OR51B5: variants seen among roughly 807,000 people sequenced by gnomAD.
OR51B5 encodes the protein olfactory receptor 51B5.
For synonymous variants in OR51B5, 186 were observed against 144.8 expected (o/e 1.28, Z -2.04); for missense variants, 456 against 374.6 (o/e 1.22, Z -1.79).
chr11:5,427,050 G>C (rs1391785615), intron 1 of OR51B5, among the ~76,000 whole-genome samples: 1 of 152,170 alleles, frequency 6.6e-6, no homozygotes, highest in Non-Finnish European at 1.5e-5. Flanking sequence ...CCAAAGCACA[G>C]AGGAACTTTG....
intron 1 of OR51B5, among the ~76,000 whole-genome samples, chr11:5,437,618 GA>G (rs1164653734): frequency 5.9e-5 from 9 of 152,154 alleles, no homozygotes; most frequent in African/African-American, 2.2e-4. Flanking sequence ...CTTTAGTTTT[GA>G]ACCTGATTTA....
chr11:5,340,504 A>C (rs1848877519), downstream of OR51B5: 1 of 152,054 alleles, frequency 6.6e-6, no homozygotes, highest in Non-Finnish European at 1.5e-5. Flanking sequence ...CATATTGAAA[A>C]ATTCTTTTTA....
intron 1 of OR51B5, chr11:5,403,589 T>C (rs1850008736): frequency 2.2e-6 from 1 of 448,488 alleles, no homozygotes; most frequent in Non-Finnish European, 4.7e-6. Flanking sequence ...TTTGTTTGCT[T>C]GCTCTCTATA....
chr11:5,352,330 A>G (rs1849109369), intron 1 of OR51B5: 5 of 1,613,942 alleles, frequency 3.1e-6, no homozygotes, highest in Non-Finnish European at 4.2e-6. Flanking sequence ...CATCACAATG[A>G]GCTACATCCA....
At chr11:5,358,637 A>G (rs1849231431) in intron 1 of OR51B5, among the ~76,000 whole-genome samples, 1 of 152,138 alleles carries the variant, frequency 6.6e-6, no homozygotes, top group Admixed American at 6.6e-5. Flanking sequence ...TCCCTAACTC[A>G]TTTTATGAGG....
At chr11:5,422,954 G>C in intron 1 of OR51B5, 1 of 1,614,030 alleles carries the variant, frequency 6.2e-7, no homozygotes. Flanking sequence ...AGCTGTCCTG[G>C]TCCTCTACAT....
chr11:5,504,258 T>C (rs1220146013), intron 1 of OR51B5, among the ~76,000 whole-genome samples: 1 of 152,218 alleles, frequency 6.6e-6, no homozygotes, highest in Admixed American at 6.5e-5. Flanking sequence ...GATAACTTTC[T>C]CCTTAACTGC....
intron 1 of OR51B5, chr11:5,489,149 G>C: frequency 6.2e-7 from 1 of 1,613,878 alleles, no homozygotes; most frequent in Non-Finnish European, 8.5e-7. Flanking sequence ...GGCAGAATTG[G>C]CTTTGTTGGG....
intron 1 of OR51B5, among the ~76,000 whole-genome samples, chr11:5,498,756 G>C (rs553094584): frequency 6.6e-6 from 1 of 152,128 alleles, no homozygotes; most frequent in Non-Finnish European, 1.5e-5. Flanking sequence ...TAGAACTTTC[G>C]TGTTCCTGAC....
chr11:5,484,781 C>T (rs757988839), intron 1 of OR51B5, among the ~76,000 whole-genome samples: 13 of 152,236 alleles, frequency 8.5e-5, no homozygotes, highest in East Asian at 3.9e-4. Flanking sequence ...ACAACAAACC[C>T]GACGGTATTA....
chr11:5,367,473 C>A (rs994306963), intron 1 of OR51B5, among the ~76,000 whole-genome samples: 1 of 152,118 alleles, frequency 6.6e-6, no homozygotes, highest in Non-Finnish European at 1.5e-5. Context: ...GACCGCTTAG[C>A]GTAACTTCCT....
chr11:5,411,369 A>C (rs2133750409), intron 1 of OR51B5, among the ~76,000 whole-genome samples: 1 of 152,312 alleles, frequency 6.6e-6, no homozygotes, highest in South Asian at 2.1e-4. Flanking sequence ...CTAAATGTGT[A>C]GTAAGCTGTA....
intron 1 of OR51B5, among the ~76,000 whole-genome samples, chr11:5,477,750 C>T (rs558269658): frequency 2.6e-4 from 39 of 152,232 alleles, no homozygotes; most frequent in East Asian, 5.8e-4. Context: ...AAAGGGGTGA[C>T]GGACGCACCT....
intron 1 of OR51B5, among the ~76,000 whole-genome samples, chr11:5,475,723 T>C (rs1385624984): frequency 2.0e-5 from 3 of 152,152 alleles, no homozygotes; most frequent in Non-Finnish European, 4.4e-5. Flanking sequence ...TCCTATTCTT[T>C]AATATATTCA....
intron 1 of OR51B5, among the ~76,000 whole-genome samples, chr11:5,443,521 T>TC (rs1391287025): frequency 1.3e-5 from 2 of 151,856 alleles, no homozygotes; most frequent in Non-Finnish European, 2.9e-5. Flanking sequence ...GTTTTTTTTT[T>TC]TTCTTTACCT....
At position 5,343,328 on chromosome 11, in the gene OR51B5, GC is replaced by G. The variant is rs748416979; in HGVS notation, c.196del (p.Ala66ProfsTer8). The G allele has an allele frequency of 8.9e-6, 13 of 1,455,948 alleles. No homozygotes were observed. The highest frequency in any genetic ancestry group is 1.2e-5 in the Non-Finnish European group (13 of 1,063,002). The allele number at this position is 1,455,948 out of a possible 1,614,324, so 90.2% of individuals were successfully genotyped here. A position where few individuals can be genotyped will look rare whatever the true frequency, so the allele number is the denominator to read the frequency against. ...GGTCAGGGCCAGCCCCAGGTCTGTG[GC>G]AGCCAGCATGGCCAGAAAGAAGTAC... On this transcript the variant is annotated frameshift_variant, in exon 1 of 1. Coordinates refer to ENST00000300773, the Ensembl canonical transcript of OR51B5. LOFTEE classifies it low-confidence loss of function (END_TRUNC).
intron 1 of OR51B5, chr11:5,469,540 G>C (rs952134432): frequency 6.0e-5 from 9 of 149,150 alleles, no homozygotes; most frequent in African/African-American, 2.2e-4. Context: ...ATGATGCTTA[G>C]ATTCCAGTGC....
chr11:5,464,017 A>G (rs1028173080), intron 1 of OR51B5, among the ~76,000 whole-genome samples: 1 of 152,230 alleles, frequency 6.6e-6, no homozygotes, highest in Non-Finnish European at 1.5e-5. Flanking sequence ...TATTTAAGGC[A>G]AATACCCCAG....
At chr11:5,381,469 C>A (rs1462618132) in intron 1 of OR51B5, among the ~76,000 whole-genome samples, 1 of 152,178 alleles carries the variant, frequency 6.6e-6, no homozygotes, top group African/African-American at 2.4e-5. Context: ...TCCTCTTGGC[C>A]TCCAGGCTTC....
Sources: gnomAD v4.1 joint callset for allele counts (sites outside exome capture counted in the v4.1 genomes callset) on GRCh38, gnomAD v4.1.1 for gene constraint, MANE v1.5 for transcripts, NCBI Gene and HGNC (gene_info 2026-07-23, HGNC 2026-07-21) for gene names.